MYO3A: variants seen among roughly 807,000 people sequenced by gnomAD.
MYO3A encodes myosin IIIA, also known as myosin-IIIa.
Under a neutral mutation model 192.7 loss-of-function variants are expected in MYO3A, and 180 were observed. That is an observed-to-expected ratio of 0.93 (90% confidence interval 0.83 to 1.06). The LOEUF (loss-of-function observed/expected upper bound fraction) is 1.06. MYO3A is among the 50% of genes least tolerant of loss of function. The pLI is 0.00. For missense variants in MYO3A, 1,896 were observed against 1,905.0 expected, an observed-to-expected ratio of 1.00 and a Z score of 0.09; for synonymous variants, 628 against 645.3, an observed-to-expected ratio of 0.97 and a Z score of 0.41.
chr10:26,193,072 C>G (rs1320324022), intron 31 of MYO3A, 133 bp from the exon 32 acceptor site: 10 of 759,546 alleles, frequency 1.3e-5, no homozygotes, highest in Non-Finnish European at 2.0e-5. Flanking sequence ...GGTTATGCAG[C>G]AAACGTATTT....
chr10:26,191,313 A>G (rs1028905828), intron 31 of MYO3A, among the ~76,000 whole-genome samples: 2 of 152,226 alleles, frequency 1.3e-5, no homozygotes, highest in African/African-American at 4.8e-5. Context: ...AGGCCTTACC[A>G]TCTTTCCTCG....
intron 4 of MYO3A, among the ~76,000 whole-genome samples, chr10:25,970,509 A>G (rs1243214401): frequency 2.0e-5 from 3 of 152,008 alleles, no homozygotes; most frequent in Non-Finnish European, 4.4e-5. Context: ...TATCGGTTAT[A>G]TAGATTTTTG....
intron 17 of MYO3A, among the ~76,000 whole-genome samples, chr10:26,110,938 C>T (rs1838140470): frequency 6.7e-6 from 1 of 149,438 alleles, no homozygotes; most frequent in East Asian, 2.0e-4. Context: ...TAGTACAGCT[C>T]ACTGTAGTTT....
intron 4 of MYO3A, among the ~76,000 whole-genome samples, chr10:25,981,380 A>G (rs1271369553): frequency 6.6e-6 from 1 of 152,194 alleles, no homozygotes; most frequent in African/African-American, 2.4e-5. Flanking sequence ...GGAGAAAAAA[A>G]TTGTGACTTT....
chr10:26,204,314 A>G (rs568829458), intron 34 of MYO3A: 2 of 152,362 alleles, frequency 1.3e-5, no homozygotes, highest in South Asian at 2.1e-4. Context: ...TTTGCTTTTC[A>G]CTGACTTACC....
chr10:26,024,772 C>T (rs763590982), intron 9 of MYO3A, among the ~76,000 whole-genome samples: 4 of 152,296 alleles, frequency 2.6e-5, no homozygotes, highest in African/African-American at 9.6e-5. Flanking sequence ...TAGTGTCTGA[C>T]GTATTTCTTG....
At position 26,173,694 on chromosome 10, in the gene MYO3A, G is replaced by T; in HGVS notation, c.3430G>T (p.Ala1144Ser). The change falls in exon 30 of 35, where the codon GCA becomes TCA. Residue 1144 changes from alanine to serine, a missense_variant. Physicochemically the swap from Ala to Ser is moderately conservative, Grantham distance 99. Coordinates refer to ENST00000642920, the MANE Select transcript of MYO3A (RefSeq NM_017433.5). The stretch of plus-strand genomic sequence containing the variant: ...TTTCGTGAAGAAACAAGCAGAAAAT[G>T]CAATCTCTGCTAATGAAAGATTCAT... ...ESFVKKQAEN[A>S]ISANERFISA... The T allele has an allele frequency of 6.2e-7, 1 of 1,613,790 alleles. No homozygotes were observed. Among genetic ancestry groups the T allele is most frequent in the Middle Eastern group, 1.7e-4 (1 of 6,020 alleles).
chr10:25,965,959 TTCTC>T (rs537403170), intron 4 of MYO3A, among the ~76,000 whole-genome samples: 14 of 148,824 alleles, frequency 9.4e-5, no homozygotes, highest in Admixed American at 1.3e-4. Context: ...GTTTTTTTTT[TTCTC>T]TCTCTCTCTC....
At chr10:26,050,480 C>T (rs1843924152) in intron 10 of MYO3A, among the ~76,000 whole-genome samples, 1 of 152,206 alleles carries the variant, frequency 6.6e-6, no homozygotes, top group Non-Finnish European at 1.5e-5. Context: ...TGTGCCACTC[C>T]ATCTTTGCAA....
At position 26,176,852 on chromosome 10, in the gene MYO3A, A is replaced by C; in HGVS notation, c.4438+7A>C. On this transcript the variant is annotated splice_region_variant and intron_variant, in intron 31 of 34. Coordinates refer to ENST00000642920, the MANE Select transcript of MYO3A (RefSeq NM_017433.5). ...TCTCAGCAGTGCCTCTCAGGTAAAA[A>C]TCAGTAGAGTTAGAACTTCCTGAAT... The C allele has an allele frequency of 2.5e-6, 4 of 1,613,890 alleles. No homozygotes were observed. The highest frequency in any genetic ancestry group is 3.4e-6 in the Non-Finnish European group (4 of 1,179,776).
At chr10:25,940,722 A>G (rs1836435099) in intron 2 of MYO3A, among the ~76,000 whole-genome samples, 1 of 152,180 alleles carries the variant, frequency 6.6e-6, no homozygotes, top group African/African-American at 2.4e-5. Flanking sequence ...TCAGATTAAC[A>G]ATTATTTTCT....
chr10:26,137,068 G>A (rs1839897677), intron 20 of MYO3A, among the ~76,000 whole-genome samples: 1 of 151,880 alleles, frequency 6.6e-6, no homozygotes, highest in South Asian at 2.1e-4. Flanking sequence ...TGATTGGTCT[G>A]GTGTGTACTA....
chr10:26,202,716 A>T (rs1843731233), intron 33 of MYO3A: 2 of 429,026 alleles, frequency 4.7e-6, no homozygotes, highest in Non-Finnish European at 8.5e-6. Context: ...TGCCAAGTTC[A>T]GTGCAATAGA....
At chr10:26,149,449 G>A (rs1840663947) in intron 23 of MYO3A, among the ~76,000 whole-genome samples, 1 of 152,090 alleles carries the variant, frequency 6.6e-6, no homozygotes, top group South Asian at 2.1e-4. Flanking sequence ...TGGCCAAGCT[G>A]GTATTGAGCT....
intron 10 of MYO3A, among the ~76,000 whole-genome samples, chr10:26,063,281 A>G (rs1488523610): frequency 6.6e-6 from 1 of 152,216 alleles, no homozygotes; most frequent in East Asian, 1.9e-4. Flanking sequence ...AAACTTGCAC[A>G]GTGCAGATGT....
chr10:26,068,396 G>A (rs974783511), intron 11 of MYO3A, among the ~76,000 whole-genome samples: 1 of 151,996 alleles, frequency 6.6e-6, no homozygotes, highest in Non-Finnish European at 1.5e-5. Flanking sequence ...ACCTTGATTT[G>A]GAATTAAATC....
At chr10:25,968,734 A>T in intron 4 of MYO3A, among the ~76,000 whole-genome samples, 1 of 152,228 alleles carries the variant, frequency 6.6e-6, no homozygotes, top group East Asian at 1.9e-4. Flanking sequence ...CCAGAAATAA[A>T]CAATTCACAT....
At chr10:26,178,159 T>C (rs1277158866) in intron 31 of MYO3A, among the ~76,000 whole-genome samples, 2 of 152,144 alleles carry the variant, frequency 1.3e-5, no homozygotes, top group African/African-American at 4.8e-5. Context: ...GGTTCCCTCA[T>C]GGTCACAGAA....
intron 20 of MYO3A, among the ~76,000 whole-genome samples, chr10:26,137,155 TA>T (rs1468944042): frequency 6.6e-6 from 1 of 152,226 alleles, no homozygotes; most frequent in African/African-American, 2.4e-5. Flanking sequence ...AGAAGGGCAA[TA>T]AATATTCATT....
Sources: gnomAD v4.1 joint callset for allele counts (sites outside exome capture counted in the v4.1 genomes callset) on GRCh38, gnomAD v4.1.1 for gene constraint, MANE v1.5 for transcripts, NCBI Gene and HGNC (gene_info 2026-07-23, HGNC 2026-07-21) for gene names.